KIRREL1: variants seen among roughly 807,000 people sequenced by gnomAD.
KIRREL1 encodes the protein kin of IRRE-like protein 1.
In KIRREL1, 25 loss-of-function variants were observed where a neutral mutation model predicts 83.3. The ratio of observed to expected loss-of-function variants is 0.30; its 90% confidence interval spans 0.22 to 0.42. The LOEUF is 0.42. KIRREL1 is among the 10% of genes least tolerant of loss of function. The pLI, the probability that KIRREL1 is intolerant of heterozygous loss-of-function variation, is 1.00. For synonymous variants in KIRREL1, 388 were observed against 410.4 expected (o/e 0.95, Z 0.66); for missense variants, 812 against 1,032.3 (o/e 0.79, Z 2.92).
At chr1:158,058,160 G>A (rs1008202031) in intron 1 of KIRREL1, among the ~76,000 whole-genome samples, 1 of 152,140 alleles carries the variant, frequency 6.6e-6, no homozygotes, top group African/African-American at 2.4e-5. Flanking sequence ...CAGAGGGCCA[G>A]GCCTCGGGTT....
In KIRREL1 at chr1:158,027,999, T is replaced by G. The variant is rs545921877; in HGVS notation, c.52+34271T>G. Among the ~76,000 whole-genome samples, 15 of 152,238 alleles carry G rather than the reference T, an allele frequency of 9.9e-5. No homozygotes were observed. In the South Asian group the frequency reaches 3.1e-3, roughly 32 times the overall value. On this transcript the variant is annotated intron_variant, in intron 1 of 14. Transcript: ENST00000359209. Reference sequence around the variant, plus strand: ...AAAGACCCACGCTCCCACCTCCCCATTATACTTCCCTGCAGGTTTTAATAA... The same window carrying G: ...AAAGACCCACGCTCCCACCTCCCCAGTATACTTCCCTGCAGGTTTTAATAA...
chr1:158,032,102 A>AG (rs1660344249), intron 1 of KIRREL1, among the ~76,000 whole-genome samples: 1 of 151,358 alleles, frequency 6.6e-6, no homozygotes, highest in Non-Finnish European at 1.5e-5. Flanking sequence ...AGAAAAGAAA[A>AG]ACAAACAAAC....
At chr1:158,085,263 T>C (rs1661982585) in intron 4 of KIRREL1, among the ~76,000 whole-genome samples, 1 of 152,204 alleles carries the variant, frequency 6.6e-6, no homozygotes, top group African/African-American at 2.4e-5. Flanking sequence ...GGTAAACATA[T>C]GTGTATTCAG....
At chr1:158,042,949 G>T (rs377718355) in intron 1 of KIRREL1, among the ~76,000 whole-genome samples, 2 of 151,038 alleles carry the variant, frequency 1.3e-5, no homozygotes, top group Admixed American at 6.6e-5. Flanking sequence ...TTAGCCGGGC[G>T]TGGTGGCAGG....
intron 1 of KIRREL1, among the ~76,000 whole-genome samples, chr1:158,072,335 C>G (rs1256374502): frequency 1.3e-5 from 2 of 152,140 alleles, no homozygotes; most frequent in African/African-American, 2.4e-5. Flanking sequence ...CTCTCACTCC[C>G]TCAGTCAACA....
chr1:158,076,969 A>G (rs932195381), intron 2 of KIRREL1, among the ~76,000 whole-genome samples: 3 of 152,154 alleles, frequency 2.0e-5, no homozygotes, highest in African/African-American at 7.2e-5. Flanking sequence ...AAGCCACTTC[A>G]CCTCTCTGGA....
intron 1 of KIRREL1, among the ~76,000 whole-genome samples, chr1:158,069,435 G>T (rs1055269486): frequency 2.0e-5 from 3 of 151,644 alleles, no homozygotes; most frequent in Non-Finnish European, 4.4e-5. Context: ...TTGTCCTCCC[G>T]GTCTTTGCAG....
intron 1 of KIRREL1, among the ~76,000 whole-genome samples, chr1:158,067,960 A>G (rs1034512694): frequency 6.6e-6 from 1 of 152,152 alleles, no homozygotes; most frequent in African/African-American, 2.4e-5. Flanking sequence ...AGATTCCCCT[A>G]CGGCTGTCCC....
At chr1:158,000,363 T>A (rs1187863381) in intron 1 of KIRREL1, among the ~76,000 whole-genome samples, 1 of 152,238 alleles carries the variant, frequency 6.6e-6, no homozygotes, top group Admixed American at 6.5e-5. Context: ...CCCTCCTGTG[T>A]CTTTAAAGGC....
chr1:158,056,210 G>T (rs4971188), intron 1 of KIRREL1, among the ~76,000 whole-genome samples: 110 of 152,310 alleles, frequency 7.2e-4, no homozygotes, highest in Non-Finnish European at 1.3e-3. Flanking sequence ...CTCTGGGCTT[G>T]CCTGGAGGCC....
intron 1 of KIRREL1, among the ~76,000 whole-genome samples, chr1:158,031,326 A>C (rs11264876): frequency 0.91 from 138,425 of 151,956 alleles, 63,705 homozygotes; most frequent in East Asian, 0.99. Flanking sequence ...CCCTCCACTA[A>C]ACACACACAC....
At chr1:158,074,720 A>G (rs1661619746) in intron 1 of KIRREL1, among the ~76,000 whole-genome samples, 1 of 152,122 alleles carries the variant, frequency 6.6e-6, no homozygotes. Flanking sequence ...AAAAGGAGAA[A>G]TGGGGCTGGT....
intron 1 of KIRREL1, among the ~76,000 whole-genome samples, chr1:158,071,106 G>A (rs889393331): frequency 2.0e-5 from 3 of 152,028 alleles, no homozygotes; most frequent in Non-Finnish European, 4.4e-5. Context: ...GCTTTGCCTC[G>A]GGTTTCTATT....
chr1:158,059,563 C>A (rs1044362256), intron 1 of KIRREL1, among the ~76,000 whole-genome samples: 1 of 151,780 alleles, frequency 6.6e-6, no homozygotes, highest in Non-Finnish European at 1.5e-5. Flanking sequence ...GAGGTGGGGG[C>A]AGAAAAAAAC....
chr1:158,089,322 C>T (rs965372988), intron 8 of KIRREL1, 180 bp from the exon 9 acceptor site: 37 of 832,216 alleles, frequency 4.4e-5, no homozygotes, highest in Admixed American at 3.5e-4. Flanking sequence ...GGTGTGTTTA[C>T]GTGCCAACCT....
intron 1 of KIRREL1, among the ~76,000 whole-genome samples, chr1:158,054,414 A>AT (rs909605413): frequency 9.9e-5 from 15 of 152,046 alleles, no homozygotes; most frequent in African/African-American, 3.6e-4. Context: ...CTATTATTTA[A>AT]TTTTTTATTA....
At chr1:158,007,939 A>G (rs1030527439) in intron 1 of KIRREL1, among the ~76,000 whole-genome samples, 1 of 151,954 alleles carries the variant, frequency 6.6e-6, no homozygotes, top group Non-Finnish European at 1.5e-5. Context: ...GGAGCTTGAT[A>G]ATTTGTGGAT....
At chr1:158,067,995 G>A (rs7367099) in intron 1 of KIRREL1, among the ~76,000 whole-genome samples, 46,522 of 152,060 alleles carry the variant, frequency 0.31, 7,367 homozygotes, top group Non-Finnish European at 0.34. Flanking sequence ...CCTTAGAGAC[G>A]GACAGAAGGG....
rs1005589734 is a variant in KIRREL1 at position 158,061,292 on chromosome 1, A to G, written c.53-14821A>G. On this transcript the variant is annotated intron_variant, in intron 1 of 14. Transcript: ENST00000359209. ...GAGATAGGTGTCACAAGCAATCAAA[A>G]CGAGCCTTTCTGCATCCAGCCCTGG... 3.3e-5 allele frequency among the ~76,000 whole-genome samples: 5 copies of G among 152,202 alleles called. No homozygotes were observed. The East Asian group carries it at 9.6e-4, about 29-fold the overall frequency.
Sources: gnomAD v4.1 joint callset for allele counts (sites outside exome capture counted in the v4.1 genomes callset) on GRCh38, gnomAD v4.1.1 for gene constraint, MANE v1.5 for transcripts, NCBI Gene and HGNC (gene_info 2026-07-23, HGNC 2026-07-21) for gene names.